ADCY1: variants seen among roughly 807,000 people sequenced by gnomAD.
ADCY1 encodes the protein adenylate cyclase 1.
A neutral mutation model predicts 105.4 loss-of-function variants in ADCY1; 28 were observed. The ratio of observed to expected loss-of-function variants is 0.27; its 90% confidence interval spans 0.20 to 0.36. The LOEUF is 0.36. ADCY1 is among the 10% of genes least tolerant of loss of function. The pLI, the probability that ADCY1 is intolerant of heterozygous loss-of-function variation, is 1.00. For missense variants in ADCY1, 977 were observed against 1,434.2 expected (o/e 0.68, Z 5.15); for synonymous variants, 655 against 623.8 (o/e 1.05, Z -0.75).
chr7:45,592,735 T>C, intron 1 of ADCY1, 24 bp from the exon 2 acceptor site: 3 of 1,613,576 alleles, frequency 1.9e-6, no homozygotes, highest in East Asian at 2.2e-5. Context: ...AGGCTCCACA[T>C]GTTGCCTCCT....
chr7:45,601,378 C>A (rs575805790), intron 2 of ADCY1, among the ~76,000 whole-genome samples: 1 of 152,292 alleles, frequency 6.6e-6, no homozygotes, highest in South Asian at 2.1e-4. Context: ...TCCACCAGCC[C>A]TGAGTGTGGC....
chr7:45,574,263 C>A, upstream of ADCY1: 1 of 521,528 alleles, frequency 1.9e-6, no homozygotes, highest in Non-Finnish European at 2.5e-6. The surrounding 1 kb of genome is among the most constrained non-coding windows in gnomAD (Gnocchi z 7.0). Context: ...TGTGCGCGCC[C>A]AGGTTCGCGG....
intron 3 of ADCY1, among the ~76,000 whole-genome samples, chr7:45,614,537 T>C (rs2115889078): frequency 6.6e-6 from 1 of 152,318 alleles, no homozygotes; most frequent in South Asian, 2.1e-4. Flanking sequence ...TAGTAAGCCA[T>C]TCCCTATCAG....
chr7:45,703,915 A>G lies in ADCY1; in HGVS notation c.2718+169A>G, dbSNP rs1319786686. On this transcript the variant is annotated intron_variant, in intron 16 of 19. Coordinates refer to ENST00000297323, the MANE Select transcript of ADCY1 (RefSeq NM_021116.4). The surrounding 1 kb of genome is among the most constrained non-coding windows in gnomAD (Gnocchi z 5.9). ...TCCTTTGGGATCCAGACCAACCATG[A>G]CAGGAGAGAAGGGGGTCTTGACTCT... 3.9e-5 allele frequency among the ~76,000 whole-genome samples: 6 copies of G among 152,190 alleles called. No homozygotes were observed. The highest frequency in any genetic ancestry group is 2.0e-4 in the Admixed American group (3 of 15,280).
chr7:45,618,588 G>A (rs7780429), intron 3 of ADCY1, among the ~76,000 whole-genome samples: 3 of 152,034 alleles, frequency 2.0e-5, no homozygotes, highest in Non-Finnish European at 4.4e-5. Context: ...AAGAAGACAT[G>A]CAAATGGCCA....
intron 1 of ADCY1, among the ~76,000 whole-genome samples, chr7:45,583,943 T>TG (rs1554314327): frequency 1.6e-5 from 1 of 62,242 alleles, no homozygotes; most frequent in South Asian, 9.2e-4. Flanking sequence ...CCCTGTTTTT[T>TG]TTTTTTTTTT....
intron 4 of ADCY1, among the ~76,000 whole-genome samples, chr7:45,631,257 C>T (rs1794252304): frequency 6.6e-6 from 1 of 152,136 alleles, no homozygotes; most frequent in Non-Finnish European, 1.5e-5. Flanking sequence ...CTTAGATAAC[C>T]AGATAACATT....
intron 2 of ADCY1, among the ~76,000 whole-genome samples, chr7:45,605,729 A>G (rs1291300291): frequency 6.6e-6 from 1 of 152,156 alleles, no homozygotes. Context: ...CTATGTTTCT[A>G]AAGTGCATTC....
chr7:45,657,898 T>A lies in ADCY1; in HGVS notation c.1307+13T>A, dbSNP rs762563053. The A allele has an allele frequency of 7.6e-6, 2 of 262,054 alleles. No homozygotes were observed. Among genetic ancestry groups the A allele is most frequent in the South Asian group, 5.8e-5 (2 of 34,520 alleles). 16.2% of individuals were successfully genotyped at this position (262,054 alleles called of 1,614,324 possible). On this transcript the variant is annotated intron_variant, in intron 6 of 19. Coordinates refer to ENST00000297323, the MANE Select transcript of ADCY1 (RefSeq NM_021116.4). ...CTGGCCTGCCAGGGTAAGTCGGGGA[T>A]GGGGTGGGGAGGGGAGGGAGGTGGG...
At chr7:45,680,366 A>G (rs546135618) in intron 11 of ADCY1, 84 of 169,178 alleles carry the variant, frequency 5.0e-4, no homozygotes, top group African/African-American at 1.9e-3. Context: ...TGCAGGAAAG[A>G]CGTGAGCTTT....
At chr7:45,632,433 T>C (rs1026009089) in intron 4 of ADCY1, among the ~76,000 whole-genome samples, 2 of 152,068 alleles carry the variant, frequency 1.3e-5, no homozygotes, top group Non-Finnish European at 2.9e-5. Flanking sequence ...ATTTAAAAAA[T>C]AGTCTTCTGA....
chr7:45,685,459 G>T (rs1042185361), intron 12 of ADCY1, among the ~76,000 whole-genome samples: 1 of 151,876 alleles, frequency 6.6e-6, no homozygotes, highest in Non-Finnish European at 1.5e-5. Flanking sequence ...TGTAGTGGGA[G>T]TAACAGGATA....
chr7:45,624,161 G>C (rs891374637), intron 4 of ADCY1, among the ~76,000 whole-genome samples: 3 of 152,188 alleles, frequency 2.0e-5, no homozygotes, highest in African/African-American at 7.2e-5. Flanking sequence ...CTTGTGCAGA[G>C]TCCTGAGGGG....
chr7:45,648,881 G>C, intron 5 of ADCY1, 84 bp downstream of exon 5: 1 of 1,539,988 alleles, frequency 6.5e-7, no homozygotes, highest in Non-Finnish European at 8.8e-7. Context: ...TCTGCCCCAT[G>C]TGGGCTCCCC....
Position 45,574,407 on chromosome 7 carries a change from A to G in ADCY1, c.-137A>G, listed in dbSNP as rs1262542665. On this transcript the variant is annotated 5_prime_UTR_variant, in exon 1 of 20. Transcript: ENST00000297323. This position sits in a 1 kb window ranked among gnomAD's most constrained non-coding sequence, Gnocchi z 7.0. Reference sequence around the variant, plus strand: ...GCGCGCGCGGGGCAGCCGGCGCCCCAACTCCGCCCGCCCCGCGCCCCGCGC... The same window carrying G: ...GCGCGCGCGGGGCAGCCGGCGCCCCGACTCCGCCCGCCCCGCGCCCCGCGC... 7.2e-6 allele frequency: 1 copy of G among 138,918 alleles called. No homozygotes were observed. The highest frequency in any genetic ancestry group is 1.5e-5 in the Non-Finnish European group (1 of 64,936). 8.6% of individuals were successfully genotyped at this position (138,918 alleles called of 1,614,324 possible).
In ADCY1 at chr7:45,692,960, G is replaced by A. The variant is rs560633139; in HGVS notation, c.2454+6287G>A. 3.8e-4 allele frequency among the ~76,000 whole-genome samples: 58 copies of A among 152,288 alleles called. No homozygotes were observed. In the East Asian group the frequency reaches 7.9e-3, roughly 21 times the overall value. ...TTCAGTAATGTTAGCGGGTAATAAAGGGGTCAGTTTATCAAGAGGACATAG... is the reference window on the plus strand; with the variant it reads ...TTCAGTAATGTTAGCGGGTAATAAAAGGGTCAGTTTATCAAGAGGACATAG... On this transcript the variant is annotated intron_variant, in intron 14 of 19. Transcript: ENST00000297323.
At chr7:45,675,533 T>C (rs1417561275) in intron 8 of ADCY1, among the ~76,000 whole-genome samples, 1 of 152,098 alleles carries the variant, frequency 6.6e-6, no homozygotes, top group East Asian at 1.9e-4. Flanking sequence ...CAAGAATTTC[T>C]TTTTGCTCTT....
At chr7:45,594,810 A>G (rs1793024701) in intron 2 of ADCY1, among the ~76,000 whole-genome samples, 1 of 152,196 alleles carries the variant, frequency 6.6e-6, no homozygotes, top group Non-Finnish European at 1.5e-5. Context: ...GACATTTTCA[A>G]AATGTCACCC....
In ADCY1 at chr7:45,610,438, C is replaced by T. The variant is rs1201316806; in HGVS notation, c.849C>T (p.Phe283=). The change falls in exon 3 of 20, where the codon TTC becomes TTT. Residue 283 remains phenylalanine (F), a synonymous_variant. Coordinates refer to ENST00000297323, the MANE Select transcript of ADCY1 (RefSeq NM_021116.4). ...RNVAMEMKED[F]LKPPERIFHK... ...TTGCCATGGAGATGAAGGAGGACTT[C>T]CTGAAGCCCCCTGAGAGGATTTTCC... 4 of 1,613,862 alleles carry T rather than the reference C, an allele frequency of 2.5e-6. 1 individual carries two copies. Among genetic ancestry groups the T allele is most frequent in the East Asian group, 2.2e-5 (1 of 44,858 alleles).
Sources: gnomAD v4.1 joint callset for allele counts (sites outside exome capture counted in the v4.1 genomes callset) on GRCh38, gnomAD v4.1.1 for gene constraint, Gnocchi (gnomAD v3.1) non-coding constraint, MANE v1.5 for transcripts, NCBI Gene and HGNC (gene_info 2026-07-23, HGNC 2026-07-21) for gene names.